EYS: variants seen among roughly 807,000 people sequenced by gnomAD.
EYS encodes protein eyes shut homolog.
EYS carries 250 observed loss-of-function variants against 282.1 expected under a neutral mutation model. The observed-to-expected ratio is 0.89, with a 90% CI of 0.80 to 0.98. The LOEUF (loss-of-function observed/expected upper bound fraction) is 0.98, where lower values mean the gene tolerates loss of function less well. Among genes scored for constraint, EYS ranks in the 50% least tolerant of loss-of-function variants. The pLI is 0.00. For synonymous variants in EYS, 1,355 were observed against 1,282.9 expected, an observed-to-expected ratio of 1.06 and a Z score of -1.20; for missense variants, 4,016 against 3,709.0, an observed-to-expected ratio of 1.08 and a Z score of -2.15.
At chr6:64,878,203 C>T (rs1019164016) in intron 19 of EYS, among the ~76,000 whole-genome samples, 8 of 151,664 alleles carry the variant, frequency 5.3e-5, no homozygotes, top group South Asian at 2.1e-4. Context: ...CCAGCCTAGG[C>T]GACAACAGCG....
At chr6:64,836,554 C>A (rs984601564) in intron 19 of EYS, among the ~76,000 whole-genome samples, 3 of 151,334 alleles carry the variant, frequency 2.0e-5, no homozygotes, top group African/African-American at 7.3e-5. Flanking sequence ...CACTAGCAGG[C>A]AGTAACATGC....
At chr6:64,669,316 T>G (rs1361773871) in intron 22 of EYS, among the ~76,000 whole-genome samples, 1 of 152,144 alleles carries the variant, frequency 6.6e-6, no homozygotes, top group Non-Finnish European at 1.5e-5. Context: ...TCTGTACAGA[T>G]TCTGATCTTT....
At chr6:64,083,634 A>G (rs1772049220) in intron 31 of EYS, among the ~76,000 whole-genome samples, 1 of 152,236 alleles carries the variant, frequency 6.6e-6, no homozygotes, top group Admixed American at 6.5e-5. Context: ...TTAGGAAGGG[A>G]ACATGTTTAA....
At chr6:64,020,524 G>A (rs188622866) in intron 33 of EYS, among the ~76,000 whole-genome samples, 1 of 152,104 alleles carries the variant, frequency 6.6e-6, no homozygotes, top group African/African-American at 2.4e-5. Flanking sequence ...GATACCAAGG[G>A]CTTCATGGGG....
chr6:64,646,840 T>C (rs1056907727), intron 22 of EYS, among the ~76,000 whole-genome samples: 6 of 151,472 alleles, frequency 4.0e-5, no homozygotes, highest in Non-Finnish European at 7.4e-5. Flanking sequence ...TCTTCATAAA[T>C]GTTGAGTTGC....
At chr6:64,218,710 T>C (rs1183819033) in intron 31 of EYS, among the ~76,000 whole-genome samples, 1 of 152,130 alleles carries the variant, frequency 6.6e-6, no homozygotes, top group African/African-American at 2.4e-5. Context: ...AAGCAGGAAA[T>C]GGAAACTGGG....
At chr6:64,968,078 G>C (rs1770157310) in intron 14 of EYS, among the ~76,000 whole-genome samples, 1 of 152,026 alleles carries the variant, frequency 6.6e-6, no homozygotes, top group South Asian at 2.1e-4. Flanking sequence ...CAACATAAAA[G>C]ACAAATTTGT....
chr6:65,648,579 G>A lies in EYS; in HGVS notation c.-447-8687C>T, dbSNP rs553141201. 3.9e-5 allele frequency among the ~76,000 whole-genome samples: 6 copies of A among 152,164 alleles called. No individual in the cohort carries two copies. The East Asian group carries it at 1.2e-3, about 30-fold the overall frequency. On this transcript the variant is annotated intron_variant, in intron 1 of 42. Coordinates refer to ENST00000503581, the MANE Select transcript of EYS (RefSeq NM_001142800.2). ...AGAAATGGTGGGAGGGTCGTGAGGA[G>A]TAAAAGAGTACACATTGGGTACATT...
chr6:65,582,595 T>C (rs557159783), intron 2 of EYS, among the ~76,000 whole-genome samples: 33 of 152,256 alleles, frequency 2.2e-4, no homozygotes, highest in African/African-American at 7.5e-4. Context: ...TTTGCTATCA[T>C]TGGAAAACAA....
intron 13 of EYS, among the ~76,000 whole-genome samples, chr6:65,046,036 T>C (rs1322672342): frequency 6.6e-6 from 1 of 151,944 alleles, no homozygotes; most frequent in Non-Finnish European, 1.5e-5. Flanking sequence ...AGCAACAGTT[T>C]TTTTCTATAT....
chr6:63,781,782 G>A (rs1450526336), intron 39 of EYS, among the ~76,000 whole-genome samples: 1 of 152,048 alleles, frequency 6.6e-6, no homozygotes, highest in East Asian at 1.9e-4. Flanking sequence ...ACTTCCAACA[G>A]TATGTTGAAT....
chr6:63,849,647 C>A (rs554998144), intron 36 of EYS, among the ~76,000 whole-genome samples: 8 of 152,222 alleles, frequency 5.3e-5, no homozygotes, highest in African/African-American at 1.9e-4. Context: ...AAAAAGGACA[C>A]CCACATAAAA....
intron 19 of EYS, among the ~76,000 whole-genome samples, chr6:64,874,301 C>T (rs1766679055): frequency 6.6e-6 from 1 of 152,036 alleles, no homozygotes; most frequent in South Asian, 2.1e-4. Context: ...TAATTTCAGA[C>T]TCACATAACC....
At chr6:64,998,362 G>A (rs1771346198) in intron 13 of EYS, among the ~76,000 whole-genome samples, 1 of 152,272 alleles carries the variant, frequency 6.6e-6, no homozygotes, top group Non-Finnish European at 1.5e-5. Context: ...GTCAGTCCCT[G>A]AGTCCTTCAT....
intron 31 of EYS, among the ~76,000 whole-genome samples, chr6:64,082,987 C>T (rs766908366): frequency 1.3e-5 from 2 of 151,238 alleles, no homozygotes; most frequent in African/African-American, 2.4e-5. Flanking sequence ...CGGCTCACTT[C>T]AGCCTCAAAC....
chr6:64,067,302 C>T (rs181670359), intron 32 of EYS, among the ~76,000 whole-genome samples: 1 of 152,060 alleles, frequency 6.6e-6, no homozygotes, highest in Admixed American at 6.6e-5. Context: ...TAAGTAATCA[C>T]AAAGTGAACC....
intron 12 of EYS, among the ~76,000 whole-genome samples, chr6:65,215,468 T>C (rs1766289665): frequency 6.6e-6 from 1 of 152,212 alleles, no homozygotes. Flanking sequence ...TAAGGAGTTC[T>C]TTATGAAGGA....
chr6:64,189,184 A>C, intron 31 of EYS, among the ~76,000 whole-genome samples: 1 of 152,306 alleles, frequency 6.6e-6, no homozygotes, highest in East Asian at 1.9e-4. Flanking sequence ...ATGTGTAAAA[A>C]AATTATATAT....
At chr6:64,388,357 T>C (rs1772980164) in intron 29 of EYS, among the ~76,000 whole-genome samples, 1 of 152,154 alleles carries the variant, frequency 6.6e-6, no homozygotes, top group African/African-American at 2.4e-5. Context: ...AGTGAATCTT[T>C]TGAAATATCC....
Sources: allele counts gnomAD v4.1 joint callset (sites outside exome capture counted in the v4.1 genomes callset), GRCh38; gene constraint gnomAD v4.1.1; transcripts MANE v1.5; gene names NCBI Gene and HGNC (gene_info 2026-07-23, HGNC 2026-07-21).